The following UGGT2 variants were observed in gnomAD, a reference collection of about 807,000 sequenced individuals.
The protein encoded by UGGT2 is UDP-glucose:glycoprotein glucosyltransferase 2.
In UGGT2, 180 loss-of-function variants were observed where a neutral mutation model predicts 192.1. The ratio of observed to expected loss-of-function variants is 0.94; its 90% CI spans 0.83 to 1.06. The LOEUF is 1.06. Ranked by LOEUF, UGGT2 falls within the 50% of genes least tolerant of loss-of-function variation. The probability of loss-of-function intolerance (pLI) is 0.00; values close to 1 mark genes in which losing one functional copy is unlikely to be tolerated. For missense variants in UGGT2, 1,849 were observed against 1,795.7 expected (o/e 1.03, Z -0.54); for synonymous variants, 580 against 591.0 (o/e 0.98, Z 0.27).
In UGGT2 at chr13:95,904,400, C is replaced by T. The variant is rs183401742; in HGVS notation, c.2296-1340G>A. Among the ~76,000 whole-genome samples the T allele has an allele frequency of 9.0e-3, 1,348 of 150,274 alleles. 12 individuals are homozygous for T. The highest frequency in any genetic ancestry group is 0.014 in the Non-Finnish European group (938 of 67,580). ...TGCTGGTGCACTGCACCCATTAACT[C>T]GTCATCTAGCATTAGGTATATCTCC... On this transcript the variant is annotated intron_variant, in intron 20 of 38. Coordinates refer to ENST00000376747, the MANE Select transcript of UGGT2 (RefSeq NM_020121.4).
chr13:95,923,158 C>T (rs1027026781), intron 20 of UGGT2, among the ~76,000 whole-genome samples: 3 of 151,716 alleles, frequency 2.0e-5, no homozygotes, highest in Non-Finnish European at 4.4e-5. Flanking sequence ...CTCAAGTGAT[C>T]CTCCCACCTC....
rs758209067 is a variant in UGGT2 at position 95,999,239 on chromosome 13, G to C, written c.729C>G (p.Tyr243Ter). 1.2e-6 allele frequency: 2 copies of C among 1,613,398 alleles called. No individual in the cohort carries two copies. The highest frequency in any genetic ancestry group is 1.3e-5 in the African/African-American group (1 of 74,864). Residue 243 changes from tyrosine (Y) to a stop codon, truncating the protein, a stop_gained, in exon 6 of 39, where the codon TAC becomes TAG. Coordinates refer to ENST00000376747, the MANE Select transcript of UGGT2 (RefSeq NM_020121.4). LOFTEE classifies it high-confidence loss of function. Reference protein sequence around the residue: ...GVELAIKSTEYKALDDTQVKT... With the variant: ...GVELAIKSTE ...TAACTTGGGTATCATCCAGTGCTTT[G>C]TATTCTGTACTCTTAATTGCTAGCT... is the stretch of plus-strand genomic sequence containing the variant.
chr13:95,968,799 A>G (rs2050673048), intron 12 of UGGT2, among the ~76,000 whole-genome samples: 2 of 152,160 alleles, frequency 1.3e-5, no homozygotes, highest in South Asian at 4.1e-4. Flanking sequence ...TACATGTGCT[A>G]TACCCATACA....
At chr13:95,878,638 G>C (rs182173428) in intron 27 of UGGT2, among the ~76,000 whole-genome samples, 3 of 152,128 alleles carry the variant, frequency 2.0e-5, no homozygotes, top group African/African-American at 7.2e-5. Flanking sequence ...AAATCAAACA[G>C]TGATTTTCAC....
chr13:96,052,449 G>T (rs1214052289), intron 1 of UGGT2, among the ~76,000 whole-genome samples: 2 of 150,874 alleles, frequency 1.3e-5, no homozygotes, highest in Non-Finnish European at 2.9e-5. Flanking sequence ...AACACCACCT[G>T]TTCCCCAATA....
At position 95,860,836 on chromosome 13, in the gene UGGT2, A is replaced by G; in HGVS notation, c.3692T>C (p.Leu1231Pro). 1 of 1,571,882 alleles carries G rather than the reference A, an allele frequency of 6.4e-7. No individual in the cohort carries two copies. Reference protein sequence around the residue: ...HKENKKEKDVLNIFSVASGHL... With the variant: ...HKENKKEKDVPNIFSVASGHL... ...ACCAGAAGCAACTGAAAAAATGTTT[A>G]GGACATCTTTTTCCTTTTTGTTTTC... The change falls in exon 32 of 39, where the codon CTA becomes CCA. Residue 1231 changes from leucine to proline, a missense_variant. By Grantham distance (98) the Leu-to-Pro change is moderately conservative. Transcript: ENST00000376747.
intron 19 of UGGT2, 78 bp from the exon 20 acceptor site, chr13:95,925,852 AAC>A: frequency 2.2e-6 from 2 of 893,410 alleles, no homozygotes; most frequent in Non-Finnish European, 3.2e-6. Flanking sequence ...ATGTGCAGTT[AAC>A]ACATTAAAAA....
Position 95,899,204 on chromosome 13 carries a change from T to C in UGGT2, c.2634+1603A>G, listed in dbSNP as rs35496261. Among the ~76,000 whole-genome samples, 1,022 of 152,322 alleles carry C rather than the reference T, an allele frequency of 6.7e-3. 5 individuals are homozygous for C. Among genetic ancestry groups the C allele is most frequent in the Non-Finnish European group, 0.01 (714 of 68,014 alleles). ...AGACATCCATGGCAGCACGTCAGCC[T>C]TACATTTCCAAGCATCCAGAAGTAT... On this transcript the variant is annotated intron_variant, in intron 22 of 38. Coordinates refer to ENST00000376747, the MANE Select transcript of UGGT2 (RefSeq NM_020121.4).
chr13:95,946,749 A>G (rs1205510267), intron 15 of UGGT2, among the ~76,000 whole-genome samples: 1 of 152,194 alleles, frequency 6.6e-6, no homozygotes, highest in Non-Finnish European at 1.5e-5. Context: ...GTTTTCCTCT[A>G]AAGTTACATA....
intron 19 of UGGT2, 124 bp downstream of exon 19, chr13:95,926,904 A>G (rs1180661803): frequency 3.5e-6 from 3 of 864,976 alleles, no homozygotes; most frequent in Non-Finnish European, 3.4e-6. Flanking sequence ...TACAAACTCT[A>G]AAATTGAAAT....
intron 20 of UGGT2, among the ~76,000 whole-genome samples, chr13:95,919,056 T>C (rs577343873): frequency 3.3e-5 from 5 of 152,272 alleles, no homozygotes; most frequent in African/African-American, 9.6e-5. Context: ...GGATGCGACG[T>C]TGGTTCAACA....
chr13:95,979,470 T>A (rs1346751898), intron 10 of UGGT2, among the ~76,000 whole-genome samples: 1 of 149,316 alleles, frequency 6.7e-6, no homozygotes, highest in African/African-American at 2.4e-5. Context: ...CCAAAGTTTC[T>A]TCTCCATCCT....
At chr13:96,050,711 A>G (rs768630592) in intron 1 of UGGT2, among the ~76,000 whole-genome samples, 3 of 152,198 alleles carry the variant, frequency 2.0e-5, no homozygotes, top group Admixed American at 6.5e-5. Context: ...CATTTATGCA[A>G]CCAACAGACA....
At position 95,856,256 on chromosome 13, in the gene UGGT2, T is replaced by A; in HGVS notation, c.3910A>T (p.Thr1304Ser). ...CCCCAAATAATCCTCTGTCTTTCAG[T>A]CTGTTGACGAAGCCAACGGGGCCAC... ...YRWPRWLRQQ[T>S]ERQRIIWGYK... Residue 1304 changes from threonine to serine, a missense_variant, in exon 34 of 39, where the codon ACT (threonine) becomes TCT (serine). Transcript: ENST00000376747. The A allele has an allele frequency of 6.2e-7, 1 of 1,613,732 alleles. No individual in the cohort carries two copies. Among genetic ancestry groups the A allele is most frequent in the Non-Finnish European group, 8.5e-7 (1 of 1,179,808 alleles).
chr13:95,982,002 T>C (rs1457152469), intron 10 of UGGT2, among the ~76,000 whole-genome samples: 1 of 152,236 alleles, frequency 6.6e-6, no homozygotes, highest in Admixed American at 6.5e-5. Flanking sequence ...GAAGACTATC[T>C]GCAGTGTCAT....
chr13:95,972,624 A>C lies in UGGT2; in HGVS notation c.1140T>G (p.Phe380Leu), dbSNP rs2050809450. 6.2e-7 allele frequency: 1 copy of C among 1,613,782 alleles called. No individual in the cohort carries two copies. Among genetic ancestry groups the C allele is most frequent in the Admixed American group, 1.7e-5 (1 of 59,992 alleles). The part of the protein sequence containing the change: ...FKIQPGDARL[F>L]INGLRVDMDV... ...CCATATCAACACGAAGGCCATTTAT[A>C]AATAGACGAGCATCGCCTGGCTGAA... The change falls in exon 11 of 39, where the codon TTT (phenylalanine) becomes TTG (leucine). Residue 380 changes from phenylalanine (F) to leucine (L), a missense_variant. Transcript: ENST00000376747.
intron 36 of UGGT2, among the ~76,000 whole-genome samples, chr13:95,849,416 G>GC (rs1566585831): frequency 6.6e-6 from 1 of 151,786 alleles, no homozygotes; most frequent in African/African-American, 2.4e-5. Flanking sequence ...GGTGGCAAGC[G>GC]CCTGTAGTCC....
At chr13:95,996,711 C>G (rs2051633506) in intron 6 of UGGT2, among the ~76,000 whole-genome samples, 1 of 151,978 alleles carries the variant, frequency 6.6e-6, no homozygotes, top group Non-Finnish European at 1.5e-5. Context: ...ATTTCATAAT[C>G]AGAAATAAGC....
At chr13:95,927,148 G>A (rs184475631) in intron 18 of UGGT2, 22 bp from the exon 19 acceptor site, 18 of 1,604,754 alleles carry the variant, frequency 1.1e-5, no homozygotes, top group African/African-American at 5.4e-5. Context: ...CAAATTAAAC[G>A]TTAAATATAA....
Sources: gnomAD v4.1 joint callset for allele counts (sites outside exome capture counted in the v4.1 genomes callset) on GRCh38, gnomAD v4.1.1 for gene constraint, MANE v1.5 for transcripts, NCBI Gene and HGNC (gene_info 2026-07-23, HGNC 2026-07-21) for gene names.